ST13: variants seen among roughly 807,000 people sequenced by gnomAD.
ST13 encodes the protein ST13 Hsp70 interacting protein.
ST13 carries 23 observed loss-of-function variants against 56.7 expected under a neutral mutation model. The observed-to-expected ratio is 0.41, with a 90% CI of 0.29 to 0.57. ST13 has a LOEUF of 0.57. ST13 is among the 20% of genes least tolerant of loss of function. The probability of loss-of-function intolerance (pLI) is 0.36; values close to 1 mark genes in which losing one functional copy is unlikely to be tolerated. For synonymous variants in ST13, 132 were observed against 142.4 expected, an observed-to-expected ratio of 0.93 and a Z score of 0.52; for missense variants, 369 against 459.9, an observed-to-expected ratio of 0.80 and a Z score of 1.81.
chr22:40,848,761 G>A (rs2057845989), intron 2 of ST13, among the ~76,000 whole-genome samples: 1 of 152,030 alleles, frequency 6.6e-6, no homozygotes, highest in African/African-American at 2.4e-5. Context: ...AAAAACAACT[G>A]TTCAAAATAA....
In ST13 at chr22:40,826,459, T is replaced by C; in HGVS notation, c.*79A>G. ...CTTGATGAGAAGGTCAGAGGTACAC[T>C]GGTTTGTATTATTGCGACATCCATA... On this transcript the variant is annotated 3_prime_UTR_variant, in exon 12 of 12. Coordinates refer to ENST00000216218, the MANE Select transcript of ST13 (RefSeq NM_003932.5). 4 of 1,473,088 alleles carry C rather than the reference T, an allele frequency of 2.7e-6. No individual in the cohort carries two copies. The highest frequency in any genetic ancestry group is 3.7e-6 in the Non-Finnish European group (4 of 1,085,888). 91.3% of individuals were successfully genotyped at this position (1,473,088 alleles called of 1,614,324 possible). A position where few individuals can be genotyped will look rare whatever the true frequency, so the allele number is the denominator to read the frequency against.
In ST13 at chr22:40,826,465, G is replaced by A; in HGVS notation, c.*73C>T. 1 of 1,512,170 alleles carries A rather than the reference G, an allele frequency of 6.6e-7. No individual in the cohort carries two copies. Among genetic ancestry groups the A allele is most frequent in the Non-Finnish European group, 9.0e-7 (1 of 1,115,782 alleles). The allele number at this position is 1,512,170 out of a possible 1,614,324, so 93.7% of individuals were successfully genotyped here. Reference sequence around the variant, plus strand: ...GAGAAGGTCAGAGGTACACTGGTTTGTATTATTGCGACATCCATAAGGTGA... The same window carrying A: ...GAGAAGGTCAGAGGTACACTGGTTTATATTATTGCGACATCCATAAGGTGA... On this transcript the variant is annotated 3_prime_UTR_variant, in exon 12 of 12. Transcript: ENST00000216218.
In ST13 at chr22:40,843,535, C is replaced by A. The variant is rs539284930; in HGVS notation, c.315+1304G>T. On this transcript the variant is annotated intron_variant, in intron 4 of 11. Coordinates refer to ENST00000216218, the MANE Select transcript of ST13 (RefSeq NM_003932.5). The stretch of plus-strand genomic sequence containing the variant: ...CAGTGTATTTTAGTTTTGGTGGGAC[C>A]GGTAGATTAAAGGTGAAAGGTGAGT... 5.3e-5 allele frequency among the ~76,000 whole-genome samples: 8 copies of A among 151,856 alleles called. No individual in the cohort carries two copies. The South Asian group carries it at 1.7e-3, about 32-fold the overall frequency.
At chr22:40,852,716 C>G (rs1017286060) in intron 1 of ST13, among the ~76,000 whole-genome samples, 2 of 152,208 alleles carry the variant, frequency 1.3e-5, no homozygotes, top group Non-Finnish European at 2.9e-5. Flanking sequence ...ACATCCTAAT[C>G]TGCAATTCAG....
At chr22:40,855,903 A>C (rs1273069983) in intron 1 of ST13, among the ~76,000 whole-genome samples, 1 of 152,226 alleles carries the variant, frequency 6.6e-6, no homozygotes, top group East Asian at 1.9e-4. Context: ...GTGATTCTCA[A>C]GATAATTAAT....
chr22:40,852,746 G>A (rs1328408553), intron 1 of ST13, among the ~76,000 whole-genome samples: 1 of 152,170 alleles, frequency 6.6e-6, no homozygotes, highest in Non-Finnish European at 1.5e-5. Flanking sequence ...ATGATTTAAT[G>A]ATAAGGAACA....
At position 40,827,079 on chromosome 22, in the gene ST13, T is replaced by C. The variant is rs1423158334; in HGVS notation, c.981+17A>G. The C allele has an allele frequency of 6.2e-6, 10 of 1,609,216 alleles. No individual in the cohort carries two copies. Among genetic ancestry groups the C allele is most frequent in the African/African-American group, 1.3e-5 (1 of 74,794 alleles). On this transcript the variant is annotated intron_variant, in intron 11 of 11. Coordinates refer to ENST00000216218, the MANE Select transcript of ST13 (RefSeq NM_003932.5). ...CCTTAATGATACAAAGTCCAAAGTT[T>C]TTCTTCCAAGTCTTACCTGCATGGC...
intron 2 of ST13, among the ~76,000 whole-genome samples, chr22:40,850,601 T>C (rs979503869): frequency 7.9e-5 from 12 of 152,218 alleles, no homozygotes; most frequent in African/African-American, 2.9e-4. Flanking sequence ...TGTCATGTAT[T>C]CTAAAACAGT....
intron 4 of ST13, among the ~76,000 whole-genome samples, chr22:40,842,292 T>C (rs1186745790): frequency 6.6e-6 from 1 of 152,142 alleles, no homozygotes; most frequent in African/African-American, 2.4e-5. Context: ...ATTTTCAAAA[T>C]ATCACACACA....
chr22:40,829,192 A>C (rs1183341662), intron 10 of ST13, among the ~76,000 whole-genome samples: 1 of 152,210 alleles, frequency 6.6e-6, no homozygotes, highest in East Asian at 1.9e-4. Flanking sequence ...CGTAGCCTCT[A>C]AAAACTTTCC....
chr22:40,856,380 C>T lies in ST13; in HGVS notation c.110+51G>A, dbSNP rs375149487. 2.8e-5 allele frequency: 43 copies of T among 1,520,078 alleles called. 1 individual carries two copies. Among genetic ancestry groups the T allele is most frequent in the Admixed American group, 2.3e-4 (14 of 59,758 alleles). The allele number at this position is 1,520,078 out of a possible 1,614,324, so 94.2% of individuals were successfully genotyped here. On this transcript the variant is annotated intron_variant, in intron 1 of 11. Coordinates refer to ENST00000216218, the MANE Select transcript of ST13 (RefSeq NM_003932.5). ...CGAGCCAGGTCCAGCCTGGCTCCCC[C>T]CTGGGGCCGTGCTTCCCCCGCCCCC...
At position 40,854,130 on chromosome 22, in the gene ST13, CAT is replaced by C. The variant is rs201604571; in HGVS notation, c.110+2299_110+2300del. Among the ~76,000 whole-genome samples the C allele has an allele frequency of 5.9e-3, 898 of 152,244 alleles. 11 individuals are homozygous for C. The highest frequency in any genetic ancestry group is 0.02 in the African/African-American group (842 of 41,514). On this transcript the variant is annotated intron_variant, in intron 1 of 11. Transcript: ENST00000216218. ...TCAACAGCTAAGCCTGTGAGAAACA[CAT>C]GTTTTCAACTTGAGTAACCCTAACA...
intron 10 of ST13, among the ~76,000 whole-genome samples, chr22:40,828,300 CAATT>C (rs986495657): frequency 4.6e-5 from 7 of 152,090 alleles, no homozygotes; most frequent in African/African-American, 1.4e-4. Flanking sequence ...TCTAAAATTA[CAATT>C]AATAATATAG....
intron 10 of ST13, among the ~76,000 whole-genome samples, chr22:40,828,136 C>A (rs2057737250): frequency 6.6e-6 from 1 of 152,082 alleles, no homozygotes. Flanking sequence ...AACTGGAAAC[C>A]TGGATTTTTA....
intron 1 of ST13, among the ~76,000 whole-genome samples, chr22:40,855,591 C>T (rs1354381601): frequency 6.6e-6 from 1 of 152,194 alleles, no homozygotes; most frequent in Non-Finnish European, 1.5e-5. Context: ...AAAAAGTCAT[C>T]TTAGGGAAGA....
At chr22:40,846,394 T>A (rs1373736616) in intron 3 of ST13, among the ~76,000 whole-genome samples, 1 of 152,212 alleles carries the variant, frequency 6.6e-6, no homozygotes, top group Non-Finnish European at 1.5e-5. Flanking sequence ...GTATACAGTA[T>A]TATAGTCATG....
At chr22:40,834,333 TTTAC>T (rs1478128642) in intron 7 of ST13, among the ~76,000 whole-genome samples, 15 of 152,230 alleles carry the variant, frequency 9.9e-5, no homozygotes, top group Admixed American at 9.8e-4. Context: ...ACCTTCAAAC[TTTAC>T]TTAGAGTGTA....
At chr22:40,834,855 CAT>C (rs1569000185) in intron 7 of ST13, among the ~76,000 whole-genome samples, 1 of 152,220 alleles carries the variant, frequency 6.6e-6, no homozygotes, top group Non-Finnish European at 1.5e-5. Context: ...TTATCTTTAA[CAT>C]GTGTCATAAA....
Position 40,835,788 on chromosome 22 carries a change from G to A in ST13, c.467+15C>T. ...ATTATTTGCCAGGGGATGCTTTTCT[G>A]TTTAGAGTTCTCACCTGGCCCTCTT... On this transcript the variant is annotated intron_variant, in intron 6 of 11. Coordinates refer to ENST00000216218, the MANE Select transcript of ST13 (RefSeq NM_003932.5). 1 of 1,612,628 alleles carries A rather than the reference G, an allele frequency of 6.2e-7. No homozygotes were observed. Among genetic ancestry groups the A allele is most frequent in the Non-Finnish European group, 8.5e-7 (1 of 1,178,766 alleles).
Sources: allele counts gnomAD v4.1 joint callset (sites outside exome capture counted in the v4.1 genomes callset), GRCh38; gene constraint gnomAD v4.1.1; transcripts MANE v1.5; gene names NCBI Gene and HGNC (gene_info 2026-07-23, HGNC 2026-07-21).